Variants in ANO4 observed in about 807,000 individuals in gnomAD.
ANO4 encodes anoctamin-4.
In ANO4, 69 loss-of-function variants were observed where a neutral mutation model predicts 141.9. That is an observed-to-expected ratio of 0.49 (90% CI 0.40 to 0.59). The LOEUF is 0.59. Ranked by LOEUF, ANO4 falls within the 20% of genes least tolerant of loss-of-function variation. The pLI, the probability that ANO4 is intolerant of heterozygous loss-of-function variation, is 0.00. For synonymous variants in ANO4, 350 were observed against 394.3 expected (o/e 0.89, Z 1.33); for missense variants, 894 against 1,162.2 (o/e 0.77, Z 3.36).
intron 14 of ANO4, among the ~76,000 whole-genome samples, chr12:101,071,506 A>G (rs998377981): frequency 5.9e-5 from 9 of 151,914 alleles, no homozygotes; most frequent in Non-Finnish European, 1.0e-4. Context: ...ATGGAGGTAG[A>G]GAATAGAAAG....
At chr12:100,939,844 T>C (rs2042435245) in intron 4 of ANO4, among the ~76,000 whole-genome samples, 1 of 152,220 alleles carries the variant, frequency 6.6e-6, no homozygotes, top group South Asian at 2.1e-4. Context: ...CTGAAGTCTC[T>C]CTGAGTTTCC....
chr12:101,072,645 G>A (rs529696064), intron 14 of ANO4, among the ~76,000 whole-genome samples: 7 of 152,216 alleles, frequency 4.6e-5, no homozygotes, highest in African/African-American at 1.7e-4. Flanking sequence ...ACATCAGAGT[G>A]AACAGGCAAC....
intron 3 of ANO4, among the ~76,000 whole-genome samples, chr12:100,929,809 A>G (rs978727371): frequency 6.6e-5 from 10 of 152,098 alleles, no homozygotes; most frequent in African/African-American, 9.7e-5. Flanking sequence ...AGCCATTTTA[A>G]CTGAGGTGAG....
chr12:100,982,481 C>T (rs1278967871), intron 7 of ANO4, among the ~76,000 whole-genome samples: 3 of 152,208 alleles, frequency 2.0e-5, no homozygotes, highest in African/African-American at 7.2e-5. Flanking sequence ...CATCAATCTA[C>T]TAGGGAGATT....
intron 2 of ANO4, among the ~76,000 whole-genome samples, chr12:100,907,089 G>A (rs2040880497): frequency 6.6e-6 from 1 of 152,166 alleles, no homozygotes; most frequent in Non-Finnish European, 1.5e-5. Context: ...ATTAGCATCA[G>A]CCTTCCTCTT....
intron 2 of ANO4, among the ~76,000 whole-genome samples, chr12:100,919,736 GTATCTATC>G (rs371838179): frequency 0.021 from 2,780 of 132,790 alleles, 88 homozygotes; most frequent in African/African-American, 0.063. Context: ...GTGTATGTAT[GTATCTATC>G]TATCTATCTA....
At chr12:101,095,056 C>T (rs2049926145) in intron 18 of ANO4, among the ~76,000 whole-genome samples, 1 of 152,130 alleles carries the variant, frequency 6.6e-6, no homozygotes, top group Admixed American at 6.6e-5. Flanking sequence ...CATTGTGCTC[C>T]ATGCAGTTTG....
chr12:101,021,461 G>C (rs1188853601), intron 9 of ANO4, among the ~76,000 whole-genome samples: 1 of 152,130 alleles, frequency 6.6e-6, no homozygotes, highest in Non-Finnish European at 1.5e-5. Context: ...CATTGAATCA[G>C]CTGACAAAGG....
chr12:101,047,117 C>T (rs1451313094), intron 13 of ANO4, among the ~76,000 whole-genome samples: 4 of 152,224 alleles, frequency 2.6e-5, no homozygotes, highest in South Asian at 4.2e-4. Flanking sequence ...GGCATGATGG[C>T]GGGTGCCTGT....
At chr12:101,094,469 A>G (rs1315617676) in intron 18 of ANO4, among the ~76,000 whole-genome samples, 177 bp downstream of exon 18, 3 of 152,160 alleles carry the variant, frequency 2.0e-5, no homozygotes, top group African/African-American at 7.2e-5. Context: ...ATTTTTCTAT[A>G]TAAATCTTTA....
Position 101,103,181 on chromosome 12 carries a change from TTTTATATATATATATATATATATA to T in ANO4, c.2149+3463_2149+3486del, listed in dbSNP as rs1420344219. 9.9e-3 allele frequency among the ~76,000 whole-genome samples: 899 copies of T among 90,664 alleles called. 33 individuals are homozygous for T. Among genetic ancestry groups the T allele is most frequent in the Middle Eastern group, 0.029 (5 of 174 alleles). The allele number at this position is 90,664 out of a possible 152,430, so 59.5% of individuals were successfully genotyped here. A position where few individuals can be genotyped will look rare whatever the true frequency, so the allele number is the denominator to read the frequency against. On this transcript the variant is annotated intron_variant, in intron 22 of 27. Coordinates refer to ENST00000392977, the MANE Select transcript of ANO4 (RefSeq NM_001286615.2). ...AACTTTACATTTTCCTTTTTAGTCA[TTTTATATATATATATATATATATA>T]TATATATATATATATATATATATAT...
intron 8 of ANO4, among the ~76,000 whole-genome samples, chr12:100,990,302 T>C (rs149218580): frequency 3.9e-5 from 6 of 152,318 alleles, no homozygotes; most frequent in Admixed American, 1.3e-4. Flanking sequence ...ACCTCCTCTT[T>C]TCATGCTGTT....
chr12:100,933,898 T>C (rs2042182341), intron 3 of ANO4, among the ~76,000 whole-genome samples: 1 of 152,242 alleles, frequency 6.6e-6, no homozygotes, highest in Non-Finnish European at 1.5e-5. Flanking sequence ...CTAGATGTCT[T>C]CTTTTGAGAA....
At chr12:101,081,011 A>G (rs1566220054) in intron 15 of ANO4, among the ~76,000 whole-genome samples, 2 of 119,400 alleles carry the variant, frequency 1.7e-5, no homozygotes, top group South Asian at 3.2e-4. Flanking sequence ...ATACATATAT[A>G]TATGTATGTG....
At chr12:100,953,492 G>T (rs888361348) in intron 5 of ANO4, among the ~76,000 whole-genome samples, 1 of 152,180 alleles carries the variant, frequency 6.6e-6, no homozygotes, top group Admixed American at 6.5e-5. Context: ...ACTTCCTGTT[G>T]TATCTTAGGC....
At chr12:101,037,409 A>T (rs1231298798) in intron 10 of ANO4, among the ~76,000 whole-genome samples, 5 of 152,202 alleles carry the variant, frequency 3.3e-5, no homozygotes, top group Non-Finnish European at 5.9e-5. Flanking sequence ...TGGCTTAGAG[A>T]CTTTAAGTCT....
intron 2 of ANO4, among the ~76,000 whole-genome samples, chr12:100,904,315 A>T (rs2040737398): frequency 6.6e-6 from 1 of 152,180 alleles, no homozygotes; most frequent in African/African-American, 2.4e-5. Flanking sequence ...TATTAAAGAG[A>T]CCAACTGTGT....
chr12:100,959,638 C>T (rs1380427300), intron 5 of ANO4, among the ~76,000 whole-genome samples: 2 of 152,200 alleles, frequency 1.3e-5, no homozygotes, highest in Non-Finnish European at 1.5e-5. Flanking sequence ...GCCTCACCAG[C>T]AGCTTTCCTC....
chr12:100,904,467 C>T (rs1261713574), intron 2 of ANO4, among the ~76,000 whole-genome samples: 1 of 152,062 alleles, frequency 6.6e-6, no homozygotes, highest in Non-Finnish European at 1.5e-5. Flanking sequence ...GGCTGAGTCA[C>T]GAAGATGTGT....
Sources: allele counts gnomAD v4.1 joint callset (sites outside exome capture counted in the v4.1 genomes callset), GRCh38; gene constraint gnomAD v4.1.1; transcripts MANE v1.5; gene names NCBI Gene and HGNC (gene_info 2026-07-23, HGNC 2026-07-21).